FGF14: variants seen among roughly 807,000 people sequenced by gnomAD.
FGF14 encodes fibroblast growth factor 14, also known as fibroblast growth factor homologous factor 4.
In FGF14, 5 loss-of-function variants were observed where a neutral mutation model predicts 25.5. That is an observed-to-expected ratio of 0.20 (90% CI 0.10 to 0.41). The LOEUF (loss-of-function observed/expected upper bound fraction) is 0.41, where lower values mean the gene tolerates loss of function less well. FGF14 is among the 10% of genes least tolerant of loss of function. FGF14 has a pLI of 1.00. For missense variants in FGF14, 222 were observed against 320.1 expected (o/e 0.69, Z 2.34); for synonymous variants, 138 against 118.3 (o/e 1.17, Z -1.08).
At chr13:102,112,101 C>A (rs1316013796) in intron 1 of FGF14, among the ~76,000 whole-genome samples, 1 of 152,084 alleles carries the variant, frequency 6.6e-6, no homozygotes, top group East Asian at 1.9e-4. Context: ...TATTAAACAC[C>A]AGTATTATTC....
chr13:102,233,813 A>C (rs2051197187), intron 1 of FGF14, among the ~76,000 whole-genome samples: 1 of 152,210 alleles, frequency 6.6e-6, no homozygotes, highest in South Asian at 2.1e-4. Context: ...TGACACACAA[A>C]ACAATGAGGT....
chr13:101,980,357 G>A (rs1350730647), intron 1 of FGF14, among the ~76,000 whole-genome samples: 2 of 150,896 alleles, frequency 1.3e-5, no homozygotes, highest in South Asian at 2.1e-4. Flanking sequence ...AAAAAAAAAC[G>A]GGGCTAGAAA....
At chr13:102,223,342 C>T (rs2050698177) in intron 1 of FGF14, among the ~76,000 whole-genome samples, 1 of 152,158 alleles carries the variant, frequency 6.6e-6, no homozygotes, top group Admixed American at 6.5e-5. Flanking sequence ...GAAAACTGTC[C>T]TGGCTACTGG....
At chr13:101,919,571 C>G (rs934556061), upstream of FGF14, among the ~76,000 whole-genome samples, 3 of 151,826 alleles carry the variant, frequency 2.0e-5, no homozygotes, top group Non-Finnish European at 2.9e-5. Flanking sequence ...TTTTGGCCCT[C>G]TCAGAGCCCT....
rs2034901918 is a variant in FGF14 at position 101,720,544 on chromosome 13, GTGTGTGTGTGTGTGTGTGTGTA to G, written c.*2265_*2286del. On this transcript the variant is annotated 3_prime_UTR_variant, in exon 5 of 5. Coordinates refer to ENST00000376143, the MANE Select transcript of FGF14 (RefSeq NM_004115.4). Reference sequence around the variant, plus strand: ...GGGTGTTTGCTCTGTGTGTGTGTGTGTGTGTGTGTGTGTGTGTGTGTATATGTGTGTGTTTGTGTGAAGTGAA... The same window carrying G: ...GGGTGTTTGCTCTGTGTGTGTGTGTGTATGTGTGTGTTTGTGTGAAGTGAA... The G allele has an allele frequency of 6.6e-6, 1 of 150,578 alleles. No homozygotes were observed. The highest frequency in any genetic ancestry group is 1.5e-5 in the Non-Finnish European group (1 of 67,664). 9.3% of individuals were successfully genotyped at this position (150,578 alleles called of 1,614,324 possible). A position where few individuals can be genotyped will look rare whatever the true frequency, so the allele number is the denominator to read the frequency against.
chr13:101,728,509 A>G (rs1258454850), intron 3 of FGF14, among the ~76,000 whole-genome samples: 1 of 152,180 alleles, frequency 6.6e-6, no homozygotes, highest in East Asian at 1.9e-4. Flanking sequence ...AAAGATTGAT[A>G]AAACAGTACA....
chr13:101,888,555 T>G (rs2476219), intron 1 of FGF14, among the ~76,000 whole-genome samples: 151,956 of 152,268 alleles, frequency 1, 75,823 homozygotes, highest in East Asian at 1. Flanking sequence ...CATTTCCACA[T>G]GGGGTTAATT....
chr13:102,378,251 C>T (rs1395790318), intron 1 of FGF14, among the ~76,000 whole-genome samples: 1 of 152,036 alleles, frequency 6.6e-6, no homozygotes, highest in African/African-American at 2.4e-5. Context: ...AAATGCACCA[C>T]TCCGGTGTGG....
At chr13:102,296,586 A>C (rs998527717) in intron 1 of FGF14, among the ~76,000 whole-genome samples, 1 of 152,180 alleles carries the variant, frequency 6.6e-6, no homozygotes, top group Non-Finnish European at 1.5e-5. Context: ...CTAAAACTGA[A>C]CCAAAGAATG....
intron 1 of FGF14, among the ~76,000 whole-genome samples, chr13:101,945,826 G>A (rs748385656): frequency 4.6e-5 from 7 of 152,262 alleles, no homozygotes; most frequent in Admixed American, 6.5e-5. Context: ...AGTGTTTAAC[G>A]CCCACGGAGC....
At chr13:102,072,512 C>T (rs2043193902) in intron 1 of FGF14, among the ~76,000 whole-genome samples, 2 of 152,114 alleles carry the variant, frequency 1.3e-5, no homozygotes, top group Admixed American at 1.3e-4. Context: ...ATACAGGGCC[C>T]TACAAGTTCT....
chr13:102,206,294 A>G (rs2049921747), intron 1 of FGF14, among the ~76,000 whole-genome samples: 1 of 152,198 alleles, frequency 6.6e-6, no homozygotes, highest in South Asian at 2.1e-4. Context: ...CTAGGGTCCT[A>G]CTCTGACCAA....
At chr13:102,382,017 A>G (rs140711282) in intron 1 of FGF14, among the ~76,000 whole-genome samples, 1 of 152,174 alleles carries the variant, frequency 6.6e-6, no homozygotes, top group African/African-American at 2.4e-5. Context: ...ACAGACCTAT[A>G]TAAGGGCTAA....
chr13:102,106,265 C>A (rs953895046), intron 1 of FGF14, among the ~76,000 whole-genome samples: 13 of 152,126 alleles, frequency 8.5e-5, no homozygotes, highest in African/African-American at 2.9e-4. Flanking sequence ...AACAGTAATT[C>A]ACTCTTACTA....
chr13:102,361,985 C>A (rs2057579383), intron 1 of FGF14, among the ~76,000 whole-genome samples: 1 of 152,112 alleles, frequency 6.6e-6, no homozygotes, highest in Non-Finnish European at 1.5e-5. Context: ...ATCATGTCCT[C>A]TTCTCAATTT....
intron 1 of FGF14, among the ~76,000 whole-genome samples, chr13:102,353,055 T>C (rs776023386): frequency 6.6e-6 from 1 of 152,138 alleles, no homozygotes; most frequent in Non-Finnish European, 1.5e-5. Flanking sequence ...CAAAATGCCT[T>C]GTCTATAATA....
At chr13:102,092,331 CACTCTT>C (rs1402697453) in intron 1 of FGF14, among the ~76,000 whole-genome samples, 1 of 152,186 alleles carries the variant, frequency 6.6e-6, no homozygotes, top group Non-Finnish European at 1.5e-5. Context: ...TAAAAACTCT[CACTCTT>C]ACCCACTAAG....
intron 1 of FGF14, among the ~76,000 whole-genome samples, chr13:102,208,102 CCT>C (rs1331784559): frequency 1.3e-5 from 2 of 152,174 alleles, no homozygotes; most frequent in Non-Finnish European, 2.9e-5. Context: ...ACATAAGTCA[CCT>C]CTCTTCATTC....
At chr13:101,829,493 C>G (rs965422211) in intron 3 of FGF14, among the ~76,000 whole-genome samples, 1 of 152,068 alleles carries the variant, frequency 6.6e-6, no homozygotes, top group African/African-American at 2.4e-5. Context: ...TAAGAATACA[C>G]TAGCCAGTCA....
Sources: gnomAD v4.1 joint callset for allele counts (sites outside exome capture counted in the v4.1 genomes callset) on GRCh38, gnomAD v4.1.1 for gene constraint, MANE v1.5 for transcripts, NCBI Gene and HGNC (gene_info 2026-07-23, HGNC 2026-07-21) for gene names.